The following USH1C variants were observed in gnomAD, a reference collection of about 807,000 sequenced individuals.
USH1C encodes harmonin.
USH1C carries 90 observed loss-of-function variants against 119.3 expected under a neutral mutation model. The ratio of observed to expected loss-of-function variants is 0.75; its 90% CI spans 0.64 to 0.90. USH1C has a LOEUF of 0.90. USH1C is among the 40% of genes least tolerant of loss of function. USH1C has a pLI of 0.00. For missense variants in USH1C, 1,165 were observed against 1,167.7 expected, an observed-to-expected ratio of 1.00 and a Z score of 0.03; for synonymous variants, 465 against 443.3, an observed-to-expected ratio of 1.05 and a Z score of -0.62.
intron 20 of USH1C, among the ~76,000 whole-genome samples, chr11:17,504,414 T>C (rs1219181884): frequency 1.3e-5 from 2 of 152,212 alleles, no homozygotes; most frequent in Non-Finnish European, 2.9e-5. Flanking sequence ...CCAGGGATAC[T>C]GCTGTTTCTC....
At chr11:17,519,659 G>A (rs916380964) in intron 14 of USH1C, among the ~76,000 whole-genome samples, 20 of 152,176 alleles carry the variant, frequency 1.3e-4, no homozygotes, top group Non-Finnish European at 1.5e-5. Flanking sequence ...CTTAGCTCTG[G>A]CCATATCCTC....
In USH1C at chr11:17,495,572, G is replaced by C. The variant is rs745721924; in HGVS notation, c.2652C>G (p.Pro884=). ...TGTGGCCCGCCTGCCTATTCACCGT[G>C]GGCTCCAGCTGCAGGAGGAACCCGT... is the stretch of plus-strand genomic sequence containing the variant. ...HRHGFLLQLE[P]TDLLLKSKRG... is the part of the protein sequence containing the mutation. The change falls in exon 26 of 27, where the codon CCC becomes CCG. Residue 884 remains proline, a synonymous_variant. Coordinates refer to ENST00000005226, the MANE Select transcript of USH1C (RefSeq NM_153676.4). The C allele has an allele frequency of 4.3e-6, 7 of 1,614,024 alleles. No individual in the cohort carries two copies. Among genetic ancestry groups the C allele is most frequent in the Non-Finnish European group, 5.9e-6 (7 of 1,179,994 alleles).
At chr11:17,514,425 G>T (rs1850043421) in intron 15 of USH1C, 1 of 152,220 alleles carries the variant, frequency 6.6e-6, no homozygotes, top group Non-Finnish European at 1.5e-5. Flanking sequence ...CACCCTGTTG[G>T]CCAGGCTGGT....
Position 17,495,560 on chromosome 11 carries a change from C to T in USH1C, c.2655+9G>A. On this transcript the variant is annotated intron_variant, in intron 26 of 26. Coordinates refer to ENST00000005226, the MANE Select transcript of USH1C (RefSeq NM_153676.4). The stretch of plus-strand genomic sequence containing the variant: ...CACACAGGGCCCTGTGGCCCGCCTG[C>T]CTATTCACCGTGGGCTCCAGCTGCA... The T allele has an allele frequency of 1.2e-6, 2 of 1,613,770 alleles. No homozygotes were observed. Among genetic ancestry groups the T allele is most frequent in the Non-Finnish European group, 1.7e-6 (2 of 1,179,888 alleles).
At chr11:17,514,262 A>G (rs539012274) in intron 15 of USH1C, among the ~76,000 whole-genome samples, 1 of 152,324 alleles carries the variant, frequency 6.6e-6, no homozygotes, top group South Asian at 2.1e-4. Flanking sequence ...TCTGTCACCC[A>G]GGCTGGAGTG....
intron 4 of USH1C, among the ~76,000 whole-genome samples, chr11:17,528,294 G>C (rs1850800077): frequency 6.6e-6 from 1 of 152,174 alleles, no homozygotes; most frequent in Non-Finnish European, 1.5e-5. Flanking sequence ...CCTGGATACA[G>C]AGCCGTGGTG....
chr11:17,495,473 A>C (rs536064807), intron 26 of USH1C, 96 bp downstream of exon 26: 2 of 1,276,822 alleles, frequency 1.6e-6, no homozygotes, highest in African/African-American at 2.9e-5. Flanking sequence ...TACCCTCCAG[A>C]CGCCAGTCCA....
intron 4 of USH1C, among the ~76,000 whole-genome samples, chr11:17,530,550 AC>A (rs1488725799): frequency 6.6e-6 from 1 of 152,224 alleles, no homozygotes; most frequent in Non-Finnish European, 1.5e-5. Flanking sequence ...CTGTTCACTT[AC>A]CAGGCTCACA....
intron 25 of USH1C, 88 bp downstream of exon 25, chr11:17,496,670 G>T: frequency 6.5e-7 from 1 of 1,537,060 alleles, no homozygotes; most frequent in Non-Finnish European, 9.0e-7. Context: ...TTCAGGCTGG[G>T]AGAAGGCTGG....
At chr11:17,543,951 C>CTAGG (rs1565078133) in intron 1 of USH1C, among the ~76,000 whole-genome samples, 1 of 152,206 alleles carries the variant, frequency 6.6e-6, no homozygotes, top group East Asian at 1.9e-4. Flanking sequence ...GGCTTGCCCA[C>CTAGG]AAAGGGGGCA....
rs1482849754 is a variant in USH1C, at chr11:17,506,028, T to A, written c.2014-79A>T. Reference sequence around the variant, plus strand: ...GCCAGCCATGCTACTTCTACACACATGCAAATCTACACCCATGCATATGTG... The same window carrying A: ...GCCAGCCATGCTACTTCTACACACAAGCAAATCTACACCCATGCATATGTG... On this transcript the variant is annotated intron_variant, in intron 18 of 26. Coordinates refer to ENST00000005226, the MANE Select transcript of USH1C (RefSeq NM_153676.4). 6.2e-6 allele frequency: 10 copies of A among 1,601,076 alleles called. No homozygotes were observed. In the East Asian group the frequency reaches 2.2e-4, roughly 36 times the overall value.
chr11:17,496,583 A>T (rs1385837072), intron 25 of USH1C, among the ~76,000 whole-genome samples, 175 bp downstream of exon 25: 1 of 152,236 alleles, frequency 6.6e-6, no homozygotes, highest in Non-Finnish European at 1.5e-5. Flanking sequence ...GACACTGCTT[A>T]AGGACAATGA....
rs1591999689 is a variant in USH1C at position 17,521,095 on chromosome 11, G to T, written c.1086-101C>A. 17 of 1,529,836 alleles carry T rather than the reference G, an allele frequency of 1.1e-5. No homozygotes were observed. In the East Asian group the frequency reaches 3.8e-4, roughly 34 times the overall value. 94.8% of individuals were successfully genotyped at this position (1,529,836 alleles called of 1,614,324 possible). A position where few individuals can be genotyped will look rare whatever the true frequency, so the allele number is the denominator to read the frequency against. On this transcript the variant is annotated intron_variant, in intron 13 of 26. Coordinates refer to ENST00000005226, the MANE Select transcript of USH1C (RefSeq NM_153676.4). Reference sequence around the variant, plus strand: ...AGCCAGCCTGGGGAGAAGCCTCATGGTTCTAGTCATGATGAATCAAGCAAA... The same window carrying T: ...AGCCAGCCTGGGGAGAAGCCTCATGTTTCTAGTCATGATGAATCAAGCAAA...
chr11:17,514,728 C>T (rs3765644), intron 15 of USH1C: 75,763 of 151,672 alleles, frequency 0.5, 19,967 homozygotes, highest in East Asian at 0.63. Context: ...TTACAATATT[C>T]CTTTTGGTCC....
chr11:17,501,843 C>T, intron 21 of USH1C, 96 bp downstream of exon 21: 2 of 1,416,186 alleles, frequency 1.4e-6, no homozygotes, highest in Non-Finnish European at 9.8e-7. Flanking sequence ...CATCCCAGGA[C>T]CCCAAGGCCC....
Position 17,501,475 on chromosome 11 carries a change from C to T in USH1C, c.2280+7G>A, listed in dbSNP as rs778799555. 4 of 1,612,684 alleles carry T rather than the reference C, an allele frequency of 2.5e-6. No homozygotes were observed. The East Asian group carries it at 8.9e-5, about 36-fold the overall frequency. On this transcript the variant is annotated splice_region_variant and intron_variant, in intron 22 of 26. Transcript: ENST00000005226. ...GGCGGCCCACCGGCCTCCACATGCC[C>T]AGGTACCTTCTTGATGCGTAGGAGC...
intron 4 of USH1C, among the ~76,000 whole-genome samples, chr11:17,530,647 G>A (rs1467996335): frequency 6.6e-6 from 1 of 152,120 alleles, no homozygotes; most frequent in East Asian, 1.9e-4. Context: ...CAGTACTATC[G>A]GCAACTCATT....
At chr11:17,506,667 T>C (rs546160453) in intron 18 of USH1C, among the ~76,000 whole-genome samples, 117 of 152,340 alleles carry the variant, frequency 7.7e-4, no homozygotes, top group Admixed American at 1.2e-3. Context: ...TTTCTTGCCT[T>C]GAGGCCTTTG....
chr11:17,516,096 C>T lies in USH1C; in HGVS notation c.1260+145G>A. On this transcript the variant is annotated intron_variant, in intron 15 of 26. Transcript: ENST00000005226. ...ACCCTGCCATTTGATGTCAGCCTGA[C>T]ACAAAGATGGAGATGGAGTTAGCCT... is the stretch of plus-strand genomic sequence containing the variant. The T allele has an allele frequency of 5.4e-6, 5 of 917,758 alleles. No homozygotes were observed. The South Asian group carries it at 7.1e-5, about 13-fold the overall frequency. 56.9% of individuals were successfully genotyped at this position (917,758 alleles called of 1,614,324 possible).
Sources: allele counts gnomAD v4.1 joint callset (sites outside exome capture counted in the v4.1 genomes callset), GRCh38; gene constraint gnomAD v4.1.1; transcripts MANE v1.5; gene names NCBI Gene and HGNC (gene_info 2026-07-23, HGNC 2026-07-21).